Variants in ICE1 observed in about 807,000 individuals in gnomAD.
ICE1 encodes interactor of little elongation complex ELL subunit 1, also known as little elongation complex subunit 1.
Under a neutral mutation model 192.7 loss-of-function variants are expected in ICE1, and 64 were observed. The observed-to-expected ratio is 0.33, with a 90% CI of 0.27 to 0.41. The LOEUF is 0.41. ICE1 is among the 10% of genes least tolerant of loss of function. The probability of loss-of-function intolerance (pLI) is 1.00; values close to 1 mark genes in which losing one functional copy is unlikely to be tolerated. For missense variants in ICE1, 2,708 were observed against 2,696.0 expected, an observed-to-expected ratio of 1.00 and a Z score of -0.10; for synonymous variants, 1,010 against 984.5, an observed-to-expected ratio of 1.03 and a Z score of -0.49.
chr5:5,431,775 C>G (rs970021393), intron 1 of ICE1, among the ~76,000 whole-genome samples: 1 of 151,946 alleles, frequency 6.6e-6, no homozygotes, highest in Non-Finnish European at 1.5e-5. Flanking sequence ...AGTCCATATT[C>G]CAGGCCCTTT....
rs1456895556 is a variant in ICE1, at chr5:5,464,022, A to C, written c.4688A>C (p.Gln1563Pro). The change falls in exon 13 of 19, where the codon CAG (glutamine) becomes CCG (proline). Residue 1563 changes from glutamine (Q) to proline (P), a missense_variant. Gln to Pro is a moderately conservative substitution (Grantham distance 76). Transcript: ENST00000296564. This position sits in a 1 kb window ranked among gnomAD's most constrained non-coding sequence, Gnocchi z 4.0. ...CGATCAAAGATTTCAAACAAAGATC[A>C]GTCAAACAAACCAGTAAAAACTTCA... ...KNRSKISNKD[Q>P]SNKPVKTSAS... 1 of 1,613,732 alleles carries C rather than the reference A, an allele frequency of 6.2e-7. No homozygotes were observed. Among genetic ancestry groups the C allele is most frequent in the Non-Finnish European group, 8.5e-7 (1 of 1,179,828 alleles).
chr5:5,433,684 C>A (rs772655682), intron 1 of ICE1, among the ~76,000 whole-genome samples: 2 of 152,176 alleles, frequency 1.3e-5, no homozygotes, highest in Non-Finnish European at 2.9e-5. Flanking sequence ...CTGATCATAT[C>A]TGTAAAGACC....
intron 12 of ICE1, among the ~76,000 whole-genome samples, chr5:5,459,623 G>A (rs1277204684): frequency 1.3e-5 from 2 of 152,172 alleles, no homozygotes; most frequent in Admixed American, 1.3e-4. Flanking sequence ...CAGAATAGAC[G>A]AAAGCCAGGA....
At position 5,463,147 on chromosome 5, in the gene ICE1, A is replaced by C. The variant is rs369289288; in HGVS notation, c.3813A>C (p.Gln1271His). The change falls in exon 13 of 19, where the codon CAA becomes CAC. Residue 1271 changes from glutamine to histidine, a missense_variant. Gln to His is a conservative substitution (Grantham distance 24, BLOSUM62 0). Around this residue, in one of 2 missense-constraint regions of ICE1, gnomAD observed 2,366 missense variants for 2,276.6 expected, o/e 1.04. Coordinates refer to ENST00000296564, the MANE Select transcript of ICE1 (RefSeq NM_015325.3). ...EVLTKIRQEL[Q>H]TNSEDCNGKD... is the part of the protein sequence containing the mutation. ...TGACCAAGATTAGGCAAGAACTTCA[A>C]ACAAATTCTGAAGATTGCAATGGTA... 1 of 1,612,780 alleles carries C rather than the reference A, an allele frequency of 6.2e-7. No individual in the cohort carries two copies. The highest frequency in any genetic ancestry group is 1.1e-5 in the South Asian group (1 of 90,736).
chr5:5,474,591 G>A (rs1739260687), intron 16 of ICE1, among the ~76,000 whole-genome samples: 1 of 152,182 alleles, frequency 6.6e-6, no homozygotes, highest in Non-Finnish European at 1.5e-5. Context: ...TTTTCTCTGT[G>A]CATCTATAAT....
intron 13 of ICE1, 38 bp downstream of exon 13, chr5:5,465,264 C>A: frequency 7.1e-7 from 1 of 1,403,114 alleles, no homozygotes; most frequent in Non-Finnish European, 9.7e-7. Context: ...TTAGGGATTA[C>A]ATGTCCTCAA....
At chr5:5,429,931 A>G (rs76079617) in intron 1 of ICE1, among the ~76,000 whole-genome samples, 1,944 of 152,326 alleles carry the variant, frequency 0.013, 45 homozygotes, top group African/African-American at 0.044. Flanking sequence ...GTGTTAGTGA[A>G]TTAGTATAGC....
intron 11 of ICE1, among the ~76,000 whole-genome samples, chr5:5,456,879 G>T (rs1462369456): frequency 6.6e-6 from 1 of 152,128 alleles, no homozygotes; most frequent in Non-Finnish European, 1.5e-5. Context: ...AGAGAGCATT[G>T]TACAGATTTG....
intron 8 of ICE1, 53 bp from the exon 9 acceptor site, chr5:5,447,668 A>G: frequency 6.7e-7 from 1 of 1,502,500 alleles, no homozygotes; most frequent in Admixed American, 2.0e-5. Context: ...TTTGGTCTAG[A>G]ATGGCTGCAC....
At position 5,449,628 on chromosome 5, in the gene ICE1, G is replaced by A. The variant is rs1328203446; in HGVS notation, c.604+1731G>A. Among the ~76,000 whole-genome samples the A allele has an allele frequency of 3.3e-5, 5 of 152,152 alleles. 1 individual carries two copies. In the South Asian group the frequency reaches 6.2e-4, roughly 19 times the overall value. ...AGTAAGTTTTCATTGCAGAAGCTGC[G>A]AGTTTCCCCAAATCAGAGATGGCAG... On this transcript the variant is annotated intron_variant, in intron 10 of 18. Coordinates refer to ENST00000296564, the MANE Select transcript of ICE1 (RefSeq NM_015325.3).
intron 3 of ICE1, 117 bp downstream of exon 3, chr5:5,437,231 C>CTGA (rs1737895077): frequency 1.4e-6 from 1 of 694,680 alleles, no homozygotes; most frequent in Non-Finnish European, 2.5e-6. Flanking sequence ...TAACAGGCTT[C>CTGA]AGTAGGGAGC....
rs1164178524 is a variant in ICE1, at chr5:5,444,337, C to G, written c.424+11C>G. ...TGAAGAAGCTGCAAGGTAAGTGGCA[C>G]TATTGTTACCTGAAGTTTTCGGTCA... On this transcript the variant is annotated intron_variant, in intron 7 of 18. Coordinates refer to ENST00000296564, the MANE Select transcript of ICE1 (RefSeq NM_015325.3). The G allele has an allele frequency of 6.4e-7, 1 of 1,558,832 alleles. No homozygotes were observed. Among genetic ancestry groups the G allele is most frequent in the East Asian group, 2.4e-5 (1 of 42,452 alleles).
At chr5:5,453,753 T>G (rs1268244289) in intron 10 of ICE1, among the ~76,000 whole-genome samples, 3 of 152,232 alleles carry the variant, frequency 2.0e-5, no homozygotes, top group Non-Finnish European at 4.4e-5. Context: ...TGTATTAATG[T>G]AGAAAAGCTT....
chr5:5,462,943 T>A lies in ICE1; in HGVS notation c.3609T>A (p.Ser1203Arg). 6.2e-7 allele frequency: 1 copy of A among 1,611,512 alleles called. No individual in the cohort carries two copies. The highest frequency in any genetic ancestry group is 8.5e-7 in the Non-Finnish European group (1 of 1,178,712). ...AATGTTCTAGTAAAGGAACCCTAAGTAAAGAAATGAACAAAGAATTAAAGG... is the reference window on the plus strand; with the variant it reads ...AATGTTCTAGTAAAGGAACCCTAAGAAAAGAAATGAACAAAGAATTAAAGG... ...VSECSSKGTL[S>R]KEMNKELKAS... is the part of the protein sequence containing the mutation. The change falls in exon 13 of 19, where the codon AGT (serine) becomes AGA (arginine). Residue 1203 changes from serine to arginine, a missense_variant. Transcript: ENST00000296564.
chr5:5,483,568 C>T (rs1212578717), intron 17 of ICE1, among the ~76,000 whole-genome samples: 2 of 152,146 alleles, frequency 1.3e-5, no homozygotes, highest in Non-Finnish European at 2.9e-5. Context: ...CTGCAGTGCT[C>T]AGTTCTTGGC....
intron 17 of ICE1, 61 bp downstream of exon 17, chr5:5,476,140 G>A: frequency 1.1e-6 from 1 of 900,928 alleles, no homozygotes. Flanking sequence ...GGAAGGCTGG[G>A]GGGTTAACTG....
In ICE1 at chr5:5,457,441, A is replaced by G. The variant is rs1219727241; in HGVS notation, c.801A>G (p.Thr267=). 4.3e-6 allele frequency: 7 copies of G among 1,613,820 alleles called. No homozygotes were observed. The highest frequency in any genetic ancestry group is 1.1e-5 in the South Asian group (1 of 91,082). Residue 267 remains threonine, a synonymous_variant, in exon 12 of 19, where the codon ACA becomes ACG. Transcript: ENST00000296564. The part of the protein sequence containing the change: ...LRTSNVQTCL[T]KLSMEIKEDF... ...CCTCAAATGTGCAGACATGCCTCAC[A>G]AAACTGTCCATGGAGATAAAGGAGG...
At chr5:5,444,523 G>C (rs1738152166) in intron 7 of ICE1, among the ~76,000 whole-genome samples, 197 bp downstream of exon 7, 1 of 152,220 alleles carries the variant, frequency 6.6e-6, no homozygotes, top group Non-Finnish European at 1.5e-5. Flanking sequence ...GTAACATAGA[G>C]ATGGAATGTG....
intron 2 of ICE1, among the ~76,000 whole-genome samples, chr5:5,436,815 A>AT (rs1293743062): frequency 1.3e-5 from 2 of 151,774 alleles, no homozygotes; most frequent in East Asian, 1.9e-4. Flanking sequence ...GAGATTTCCT[A>AT]TTTTTTTTGT....
Sources: gnomAD v4.1 joint callset for allele counts (sites outside exome capture counted in the v4.1 genomes callset) on GRCh38, gnomAD v4.1.1 for gene constraint, gnomAD v4.1.1 regional missense constraint, Gnocchi (gnomAD v3.1) non-coding constraint, MANE v1.5 for transcripts, NCBI Gene and HGNC (gene_info 2026-07-23, HGNC 2026-07-21) for gene names.